Variants in PATJ observed in about 807,000 individuals in gnomAD.
PATJ encodes PATJ crumbs cell polarity complex component, also known as inaD-like protein.
PATJ carries 190 observed loss-of-function variants against 224.9 expected under a neutral mutation model. The observed-to-expected ratio is 0.84, with a 90% CI of 0.75 to 0.95. The LOEUF is 0.95. Among genes scored for constraint, PATJ ranks in the 40% least tolerant of loss-of-function variants. PATJ has a pLI of 0.00. For synonymous variants in PATJ, 769 were observed against 820.3 expected (o/e 0.94, Z 1.07); for missense variants, 2,121 against 2,270.3 (o/e 0.93, Z 1.34).
intron 20 of PATJ, among the ~76,000 whole-genome samples, chr1:61,873,343 A>AT (rs930457446): frequency 6.6e-6 from 1 of 151,776 alleles, no homozygotes; most frequent in South Asian, 2.1e-4. Context: ...AGTTTTTATA[A>AT]TTTTTTTGTA....
intron 28 of PATJ, among the ~76,000 whole-genome samples, chr1:62,003,945 A>G (rs1645944378): frequency 1.3e-5 from 2 of 152,188 alleles, no homozygotes; most frequent in African/African-American, 4.8e-5. Flanking sequence ...TGGTTCCTAC[A>G]GAGAGACCTT....
chr1:62,039,088 G>A (rs1650988922), intron 30 of PATJ: 1 of 765,294 alleles, frequency 1.3e-6, no homozygotes, highest in Non-Finnish European at 2.4e-6. Context: ...CTTCACAGTG[G>A]CAGTACACAA....
chr1:61,966,686 C>CG (rs1682201360), intron 27 of PATJ, among the ~76,000 whole-genome samples: 1 of 86,386 alleles, frequency 1.2e-5, no homozygotes, highest in South Asian at 4.3e-4. Flanking sequence ...GACTTCATCT[C>CG]AAAAAAAAAA....
intron 1 of PATJ, among the ~76,000 whole-genome samples, chr1:61,747,155 C>T (rs541741606): frequency 1.3e-5 from 2 of 152,236 alleles, no homozygotes; most frequent in African/African-American, 4.8e-5. Context: ...AGAAACGGGA[C>T]CAATCTACCT....
rs1284483252 is a variant in PATJ at position 62,125,264 on chromosome 1, C to CAA, written c.5043+2215_5043+2216dup. Among the ~76,000 whole-genome samples the CAA allele has an allele frequency of 3.6e-4, 23 of 64,226 alleles. 1 individual carries two copies. The highest frequency in any genetic ancestry group is 6.1e-4 in the Non-Finnish European group (19 of 31,016). The allele number at this position is 64,226 out of a possible 152,430, so 42.1% of individuals were successfully genotyped here. A position where few individuals can be genotyped will look rare whatever the true frequency, so the allele number is the denominator to read the frequency against. On this transcript the variant is annotated intron_variant, in intron 39 of 43. Transcript: ENST00000642238. The stretch of plus-strand genomic sequence containing the variant: ...AAAAAAAAAAAAAAACAAAAAAAAA[C>CAA]AAAAAAAAAACGCCATTAGCTCTAT...
At chr1:61,788,557 T>G (rs973444475) in intron 8 of PATJ, among the ~76,000 whole-genome samples, 28 of 152,180 alleles carry the variant, frequency 1.8e-4, no homozygotes. Flanking sequence ...GAATTTGAAT[T>G]CACATCTTTC....
At chr1:61,986,508 A>G (rs898560101) in intron 27 of PATJ, among the ~76,000 whole-genome samples, 1 of 151,698 alleles carries the variant, frequency 6.6e-6, no homozygotes, top group African/African-American at 2.4e-5. Flanking sequence ...GTAACCTTGA[A>G]CTCCTGGACT....
chr1:61,779,428 A>G (rs1053802858), intron 7 of PATJ, among the ~76,000 whole-genome samples: 8 of 152,348 alleles, frequency 5.3e-5, no homozygotes, highest in South Asian at 2.1e-4. Context: ...GAATTCTTCA[A>G]CTGATTGGAT....
intron 24 of PATJ, among the ~76,000 whole-genome samples, chr1:61,903,203 C>T (rs1671428936): frequency 6.6e-6 from 1 of 152,174 alleles, no homozygotes; most frequent in Non-Finnish European, 1.5e-5. Context: ...GGGCCTCAGC[C>T]AGAAGGCTGT....
In PATJ at chr1:61,944,619, C is replaced by T. The variant is rs1241888217; in HGVS notation, c.3670+16790C>T. On this transcript the variant is annotated intron_variant, in intron 27 of 43. Coordinates refer to ENST00000642238, the MANE Select transcript of PATJ (RefSeq NM_001350145.3). ...GTCTGATTGGTGTACCTGAAAGTGA[C>T]AGGGAGAATGGAACCAAGTTGGAAA... Among the ~76,000 whole-genome samples the T allele has an allele frequency of 5.9e-5, 9 of 152,240 alleles. No homozygotes were observed. The South Asian group carries it at 1.7e-3, about 28-fold the overall frequency.
chr1:61,904,975 C>T (rs1015331800), intron 24 of PATJ, among the ~76,000 whole-genome samples: 5 of 152,188 alleles, frequency 3.3e-5, no homozygotes, highest in African/African-American at 9.7e-5. Flanking sequence ...GTAATCCCAG[C>T]ACTTTGGGAG....
chr1:61,910,704 GCC>G (rs1672510428), intron 25 of PATJ, among the ~76,000 whole-genome samples: 1 of 151,790 alleles, frequency 6.6e-6, no homozygotes, highest in Non-Finnish European at 1.5e-5. Flanking sequence ...GGATCACCAT[GCC>G]CAGCTAGTTT....
chr1:61,962,244 T>C (rs1681421310), intron 27 of PATJ, among the ~76,000 whole-genome samples: 1 of 152,218 alleles, frequency 6.6e-6, no homozygotes, highest in South Asian at 2.1e-4. Flanking sequence ...TGATTAATTT[T>C]TAATTCAACA....
intron 41 of PATJ, among the ~76,000 whole-genome samples, chr1:62,146,346 G>T (rs1004222247): frequency 1.3e-5 from 2 of 152,126 alleles, no homozygotes; most frequent in Non-Finnish European, 2.9e-5. Context: ...CAAGAGAGTC[G>T]AGTTTCCTTT....
At chr1:61,977,443 G>A (rs577440452) in intron 27 of PATJ, among the ~76,000 whole-genome samples, 1 of 152,142 alleles carries the variant, frequency 6.6e-6, no homozygotes, top group South Asian at 2.1e-4. Context: ...AAGGTGGAAG[G>A]TTTAAAAGGT....
chr1:61,920,404 T>G (rs1010431885), intron 26 of PATJ, among the ~76,000 whole-genome samples: 3 of 152,148 alleles, frequency 2.0e-5, no homozygotes, highest in African/African-American at 7.2e-5. Flanking sequence ...GCACAAGCTC[T>G]CTCTCTTTGC....
At chr1:62,075,928 A>AG (rs987944952) in intron 31 of PATJ, among the ~76,000 whole-genome samples, 22 of 152,036 alleles carry the variant, frequency 1.4e-4, no homozygotes, top group African/African-American at 5.3e-4. Flanking sequence ...AAAAAAAAAA[A>AG]AAAAGAAAAG....
chr1:61,798,456 C>G (rs79037385), intron 11 of PATJ, among the ~76,000 whole-genome samples: 25,236 of 152,032 alleles, frequency 0.17, 2,487 homozygotes, highest in East Asian at 0.47. Flanking sequence ...GCCTTGGCCT[C>G]CTAAACTACT....
chr1:61,982,720 A>T lies in PATJ; in HGVS notation c.3671-7448A>T, dbSNP rs571714360. ...TGAACTATATGCTAGAAGACTTTTTAACACTTTTCATATTTAGTTGCCAAA... is the reference window on the plus strand; with the variant it reads ...TGAACTATATGCTAGAAGACTTTTTTACACTTTTCATATTTAGTTGCCAAA... On this transcript the variant is annotated intron_variant, in intron 27 of 43. Transcript: ENST00000642238. Among the ~76,000 whole-genome samples, 6 of 152,168 alleles carry T rather than the reference A, an allele frequency of 3.9e-5. No homozygotes were observed. In the South Asian group the frequency reaches 1.2e-3, roughly 32 times the overall value.
Sources: gnomAD v4.1 joint callset for allele counts (sites outside exome capture counted in the v4.1 genomes callset) on GRCh38, gnomAD v4.1.1 for gene constraint, MANE v1.5 for transcripts, NCBI Gene and HGNC (gene_info 2026-07-23, HGNC 2026-07-21) for gene names.